The following PRKN variants were observed in gnomAD, a reference collection of about 807,000 sequenced individuals.
PRKN encodes the protein parkin RBR E3 ubiquitin protein ligase.
PRKN carries 56 observed loss-of-function variants against 59.5 expected under a neutral mutation model. That is an observed-to-expected ratio of 0.94 (90% CI 0.76 to 1.18). PRKN has a LOEUF of 1.18. Among genes scored for constraint, PRKN ranks in the 50% most tolerant of loss-of-function variants. The pLI, the probability that PRKN is intolerant of heterozygous loss-of-function variation, is 0.00. For synonymous variants in PRKN, 250 were observed against 222.1 expected (o/e 1.13, Z -1.12); for missense variants, 657 against 596.4 (o/e 1.10, Z -1.06).
At chr6:161,996,692 A>G (rs1781857401) in intron 5 of PRKN, among the ~76,000 whole-genome samples, 1 of 152,138 alleles carries the variant, frequency 6.6e-6, no homozygotes, top group African/African-American at 2.4e-5. Context: ...ATACTTTTAT[A>G]TTTACATAGA....
Position 161,410,764 on chromosome 6 carries a change from G to T in PRKN, c.1084-23887C>A, listed in dbSNP as rs138011791. Among the ~76,000 whole-genome samples the T allele has an allele frequency of 5.3e-5, 8 of 152,154 alleles. No homozygotes were observed. The highest frequency in any genetic ancestry group is 1.2e-4 in the Non-Finnish European group (8 of 68,036). ...TGGGAAATGCATCATTGGTGCTCAT[G>T]ACAACGGCACGCCAAGGGGCTTGAT... On this transcript the variant is annotated intron_variant, in intron 9 of 11. Coordinates refer to ENST00000366898, the MANE Select transcript of PRKN (RefSeq NM_004562.3). The surrounding 1 kb of genome is among the most constrained non-coding windows in gnomAD (Gnocchi z 5.3).
Position 162,669,884 on chromosome 6 carries a change from T to C in PRKN, c.7+57778A>G, listed in dbSNP as rs544801581. Among the ~76,000 whole-genome samples, 5 of 152,278 alleles carry C rather than the reference T, an allele frequency of 3.3e-5. No individual in the cohort carries two copies. In the South Asian group the frequency reaches 1.0e-3, roughly 32 times the overall value. On this transcript the variant is annotated intron_variant, in intron 1 of 11. Coordinates refer to ENST00000366898, the MANE Select transcript of PRKN (RefSeq NM_004562.3). Reference sequence around the variant, plus strand: ...ATCAATAGAATTCAAACGTCTCAAATATTTTCCAAATTGAAAAAGTGTCCA... The same window carrying C: ...ATCAATAGAATTCAAACGTCTCAAACATTTTCCAAATTGAAAAAGTGTCCA...
Position 161,874,539 on chromosome 6 carries a change from A to G in PRKN, c.735-88631T>C, listed in dbSNP as rs1396948940. On this transcript the variant is annotated intron_variant, in intron 6 of 11. Transcript: ENST00000366898. ...AATATATATTATATGTAAAATATAT[A>G]TTATGTAAAATATATATTATATATA... 1.7e-4 allele frequency among the ~76,000 whole-genome samples: 16 copies of G among 92,326 alleles called. 1 individual carries two copies. In the South Asian group the frequency reaches 5.0e-3, roughly 29 times the overall value. 60.6% of individuals were successfully genotyped at this position (92,326 alleles called of 152,430 possible).
At chr6:161,422,462 G>C (rs1259632941) in intron 9 of PRKN, among the ~76,000 whole-genome samples, 1 of 152,134 alleles carries the variant, frequency 6.6e-6, no homozygotes, top group East Asian at 1.9e-4. Context: ...GCCTCCCAAA[G>C]TGCTGGGATT....
intron 1 of PRKN, among the ~76,000 whole-genome samples, chr6:162,625,056 G>A (rs1334578985): frequency 6.6e-6 from 1 of 152,112 alleles, no homozygotes; most frequent in East Asian, 1.9e-4. Flanking sequence ...TAAGTGACTT[G>A]CTTTGGCCAA....
chr6:162,165,337 C>G (rs1215717005), intron 4 of PRKN, among the ~76,000 whole-genome samples: 1 of 149,136 alleles, frequency 6.7e-6, no homozygotes, highest in African/African-American at 2.5e-5. Context: ...ATTAAAACAT[C>G]TGTTCATAAA....
Position 162,556,541 on chromosome 6 carries a change from G to C in PRKN, c.8-113068C>G, listed in dbSNP as rs1005506432. Among the ~76,000 whole-genome samples, 4 of 151,710 alleles carry C rather than the reference G, an allele frequency of 2.6e-5. No homozygotes were observed. In the East Asian group the frequency reaches 7.8e-4, roughly 29 times the overall value. ...AGGCGGGGGGATCACGAAATCAGGA[G>C]ATCGAGATCATCCTAACCAACACAG... On this transcript the variant is annotated intron_variant, in intron 1 of 11. Coordinates refer to ENST00000366898, the MANE Select transcript of PRKN (RefSeq NM_004562.3).
At chr6:162,583,732 T>G (rs1780883214) in intron 1 of PRKN, among the ~76,000 whole-genome samples, 1 of 152,166 alleles carries the variant, frequency 6.6e-6, no homozygotes, top group Non-Finnish European at 1.5e-5. Flanking sequence ...ATTTAAGGAC[T>G]TCCACCATTC....
chr6:162,504,222 C>A (rs1793506299), intron 1 of PRKN, among the ~76,000 whole-genome samples: 1 of 152,164 alleles, frequency 6.6e-6, no homozygotes, highest in South Asian at 2.1e-4. Context: ...ACCCTGCTGT[C>A]AAGGCTGAAG....
intron 2 of PRKN, among the ~76,000 whole-genome samples, chr6:162,365,484 T>C (rs931943643): frequency 1.5e-4 from 23 of 152,198 alleles, no homozygotes; most frequent in African/African-American, 4.1e-4. Flanking sequence ...CTTTTTACTA[T>C]AGCCCGTGGA....
In PRKN at chr6:161,352,771, A is replaced by ATTTTT. The variant is rs1554251152; in HGVS notation, c.1286-2561_1286-2560insAAAAA. On this transcript the variant is annotated intron_variant, in intron 11 of 11. Coordinates refer to ENST00000366898, the MANE Select transcript of PRKN (RefSeq NM_004562.3). This position sits in a 1 kb window ranked among gnomAD's most constrained non-coding sequence, Gnocchi z 5.8. ...TGTGTGTGTGTATATATATATATAT[A>ATTTTT]TTTTATTTTATTTTATTTTATTTTT... 8.6e-6 allele frequency among the ~76,000 whole-genome samples: 1 copy of ATTTTT among 116,900 alleles called. No individual in the cohort carries two copies. The highest frequency in any genetic ancestry group is 2.9e-5 in the African/African-American group (1 of 34,428). The allele number at this position is 116,900 out of a possible 152,430, so 76.7% of individuals were successfully genotyped here.
intron 5 of PRKN, among the ~76,000 whole-genome samples, chr6:161,995,519 C>A (rs951207209): frequency 6.6e-6 from 1 of 151,984 alleles, no homozygotes; most frequent in Admixed American, 6.6e-5. Context: ...CAACAAGGGA[C>A]TAATACCCAG....
rs538442179 is a variant in PRKN at position 161,460,258 on chromosome 6, T to A, written c.1084-73381A>T. 6.6e-6 allele frequency among the ~76,000 whole-genome samples: 1 copy of A among 152,334 alleles called. No homozygotes were observed. The highest frequency in any genetic ancestry group is 2.1e-4 in the South Asian group (1 of 4,832). On this transcript the variant is annotated intron_variant, in intron 9 of 11. Transcript: ENST00000366898. The surrounding 1 kb of genome is among the most constrained non-coding windows in gnomAD (Gnocchi z 5.0). ...ACAAAAGATTATTTTATTTAATTCT[T>A]GTTGATGGGCACCGTGTGTTTACAG...
At chr6:162,174,148 T>C (rs1783423206) in intron 4 of PRKN, among the ~76,000 whole-genome samples, 1 of 152,176 alleles carries the variant, frequency 6.6e-6, no homozygotes, top group Admixed American at 6.5e-5. Context: ...AGTTTAAAGG[T>C]AGAATTCCTG....
At chr6:162,515,983 C>T (rs1008633082) in intron 1 of PRKN, among the ~76,000 whole-genome samples, 1 of 152,218 alleles carries the variant, frequency 6.6e-6, no homozygotes, top group Non-Finnish European at 1.5e-5. Context: ...TTTGGTACCA[C>T]TTGTTCCTGC....
chr6:161,842,320 C>T (rs921243757), intron 6 of PRKN, among the ~76,000 whole-genome samples: 2 of 151,830 alleles, frequency 1.3e-5, no homozygotes, highest in African/African-American at 4.8e-5. Context: ...CTCGTCTTTA[C>T]TAAAAATACA....
At chr6:162,251,886 A>G (rs2128096237) in intron 3 of PRKN, among the ~76,000 whole-genome samples, 1 of 152,324 alleles carries the variant, frequency 6.6e-6, no homozygotes, top group East Asian at 1.9e-4. Context: ...CTATGGTTGT[A>G]CCTCTTGATA....
At chr6:162,561,808 C>G (rs1779856627) in intron 1 of PRKN, among the ~76,000 whole-genome samples, 1 of 152,142 alleles carries the variant, frequency 6.6e-6, no homozygotes, top group Non-Finnish European at 1.5e-5. Context: ...AACCTTGCCA[C>G]AGAGGGCTAC....
intron 2 of PRKN, 140 bp from the exon 3 acceptor site, chr6:162,262,905 C>T (rs1583284630): frequency 7.6e-6 from 8 of 1,056,966 alleles, no homozygotes; most frequent in Non-Finnish European, 1.1e-5. Context: ...TGCTCCTTTG[C>T]CCACAGCAGT....
Sources: allele counts gnomAD v4.1 joint callset (sites outside exome capture counted in the v4.1 genomes callset), GRCh38; gene constraint gnomAD v4.1.1; non-coding constraint Gnocchi (gnomAD v3.1); transcripts MANE v1.5; gene names NCBI Gene and HGNC (gene_info 2026-07-23, HGNC 2026-07-21).